The following WWOX variants were observed in gnomAD, a reference collection of about 807,000 sequenced individuals.
WWOX encodes the protein WW domain containing oxidoreductase, also known as WW domain-containing oxidoreductase.
A neutral mutation model predicts 46.2 loss-of-function variants in WWOX; 69 were observed. The ratio of observed to expected loss-of-function variants is 1.49; its 90% confidence interval spans 1.23 to 1.82. The LOEUF (loss-of-function observed/expected upper bound fraction) is 1.82, where lower values mean the gene tolerates loss of function less well. WWOX is among the 40% of genes most tolerant of loss of function. The probability of loss-of-function intolerance (pLI) is 0.00; values close to 1 mark genes in which losing one functional copy is unlikely to be tolerated. For missense variants in WWOX, 919 were observed against 542.6 expected (o/e 1.69, Z -6.89); for synonymous variants, 359 against 202.6 (o/e 1.77, Z -6.56).
At chr16:78,419,811 A>G (rs894746563) in intron 6 of WWOX, among the ~76,000 whole-genome samples, 9 of 152,090 alleles carry the variant, frequency 5.9e-5, no homozygotes, top group Non-Finnish European at 1.2e-4. Context: ...TCCAGAATGA[A>G]AAGTGTTTGT....
chr16:78,258,707 C>CAA (rs11396946), intron 5 of WWOX, among the ~76,000 whole-genome samples: 50 of 69,580 alleles, frequency 7.2e-4, no homozygotes, highest in African/African-American at 7.9e-4. Flanking sequence ...TTCCTCCCTC[C>CAA]AAAAAAAAAA....
intron 5 of WWOX, among the ~76,000 whole-genome samples, chr16:78,291,863 G>A (rs12928151): frequency 0.021 from 3,181 of 151,656 alleles, 54 homozygotes; most frequent in Middle Eastern, 0.031. Context: ...TCTGATGGCC[G>A]CCAGCTGAGG....
intron 8 of WWOX, among the ~76,000 whole-genome samples, chr16:79,142,711 CTT>C (rs1237887712): frequency 1.3e-5 from 2 of 151,950 alleles, no homozygotes; most frequent in Non-Finnish European, 1.5e-5. Flanking sequence ...TGTTTTGTTT[CTT>C]TTTGAGATAG....
In WWOX at chr16:78,432,904, A is replaced by G. The variant is rs1047839211; in HGVS notation, c.1056+152A>G. The G allele has an allele frequency of 1.3e-5, 16 of 1,263,814 alleles. No individual in the cohort carries two copies. In the African/African-American group the frequency reaches 1.9e-4, roughly 15 times the overall value. The allele number at this position is 1,263,814 out of a possible 1,614,324, so 78.3% of individuals were successfully genotyped here. A position where few individuals can be genotyped will look rare whatever the true frequency, so the allele number is the denominator to read the frequency against. On this transcript the variant is annotated intron_variant, in intron 8 of 8. Coordinates refer to ENST00000566780, the MANE Select transcript of WWOX (RefSeq NM_016373.4). ...ATAAAGGGCTCTTGAACACATTTTC[A>G]TCAACTTTAGGTTAAGTCTGTTTGG...
At chr16:78,387,613 A>G (rs1422747162) in intron 6 of WWOX, among the ~76,000 whole-genome samples, 1 of 152,134 alleles carries the variant, frequency 6.6e-6, no homozygotes, top group African/African-American at 2.4e-5. Flanking sequence ...AGAGACAGAC[A>G]GGAGGCCTCA....
chr16:78,502,131 A>G (rs2085085636), intron 8 of WWOX, among the ~76,000 whole-genome samples: 1 of 152,170 alleles, frequency 6.6e-6, no homozygotes, highest in African/African-American at 2.4e-5. Context: ...GGAGCTTTGC[A>G]GGGCCTATCT....
chr16:78,315,388 C>A (rs975394213), intron 5 of WWOX, among the ~76,000 whole-genome samples: 4 of 152,156 alleles, frequency 2.6e-5, no homozygotes, highest in Admixed American at 1.3e-4. Context: ...GTGGCTCAAG[C>A]CTGTAATCCC....
chr16:78,671,869 CT>C (rs138269419), intron 8 of WWOX, among the ~76,000 whole-genome samples: 4,670 of 152,244 alleles, frequency 0.031, 96 homozygotes, highest in Non-Finnish European at 0.048. Context: ...GGATTTACAT[CT>C]TAAAAAGTGG....
chr16:79,021,452 A>T (rs2047531591), intron 8 of WWOX, among the ~76,000 whole-genome samples: 1 of 152,326 alleles, frequency 6.6e-6, no homozygotes, highest in Admixed American at 6.5e-5. Context: ...AGAGGAAACC[A>T]ATCATATTAA....
At position 78,739,571 on chromosome 16, in the gene WWOX, G is replaced by A. The variant is rs144373592; in HGVS notation, c.1056+306819G>A. ...TCACGCCTGTAATCCAGCACTTTGG[G>A]AGGCTGAGGCAGATAAATCACCTGA... On this transcript the variant is annotated intron_variant, in intron 8 of 8. Transcript: ENST00000566780. Among the ~76,000 whole-genome samples the A allele has an allele frequency of 4.6e-4, 70 of 152,264 alleles. 1 individual carries two copies. In the East Asian group the frequency reaches 0.013, roughly 29 times the overall value.
At chr16:78,875,515 A>G (rs561434541) in intron 8 of WWOX, among the ~76,000 whole-genome samples, 50 of 152,272 alleles carry the variant, frequency 3.3e-4, no homozygotes, top group East Asian at 5.8e-4. Flanking sequence ...TTTGATTGCT[A>G]TTTAATCTGT....
chr16:78,189,669 T>A (rs1480233944), intron 5 of WWOX, among the ~76,000 whole-genome samples: 1 of 152,168 alleles, frequency 6.6e-6, no homozygotes, highest in Non-Finnish European at 1.5e-5. Context: ...ACTTATTTAT[T>A]TTTGAGTTGG....
chr16:78,353,426 C>T (rs575971441), intron 5 of WWOX, among the ~76,000 whole-genome samples: 1 of 152,266 alleles, frequency 6.6e-6, no homozygotes, highest in East Asian at 1.9e-4. Context: ...AGACAGTTCA[C>T]CAAATCTATC....
chr16:79,146,454 C>T (rs891355989), intron 8 of WWOX, among the ~76,000 whole-genome samples: 4 of 152,234 alleles, frequency 2.6e-5, no homozygotes, highest in Middle Eastern at 3.4e-3. Flanking sequence ...CTGACCTGGG[C>T]AGCGTAGTAG....
At chr16:78,699,740 C>G (rs1045797987) in intron 8 of WWOX, among the ~76,000 whole-genome samples, 2 of 152,106 alleles carry the variant, frequency 1.3e-5, no homozygotes, top group Non-Finnish European at 2.9e-5. Context: ...TGAGGTTTGC[C>G]TTTTTTCAGG....
intron 8 of WWOX, among the ~76,000 whole-genome samples, chr16:78,648,594 C>T (rs1420038194): frequency 3.3e-5 from 5 of 152,162 alleles, no homozygotes; most frequent in Non-Finnish European, 7.3e-5. Context: ...ATTTTGTCCC[C>T]ACTTCCAACG....
At chr16:78,109,385 T>C (rs114223001) in intron 2 of WWOX, among the ~76,000 whole-genome samples, 2,764 of 152,084 alleles carry the variant, frequency 0.018, 92 homozygotes, top group African/African-American at 0.061. Flanking sequence ...AATCAACATG[T>C]GCACATGAAA....
chr16:78,232,254 C>T (rs971786126), intron 5 of WWOX, among the ~76,000 whole-genome samples: 12 of 152,104 alleles, frequency 7.9e-5, no homozygotes, highest in African/African-American at 2.9e-4. Flanking sequence ...AGGGCAATTG[C>T]GGTCAAACAC....
intron 8 of WWOX, among the ~76,000 whole-genome samples, chr16:79,133,264 C>G (rs1165459730): frequency 1.3e-5 from 2 of 152,150 alleles, no homozygotes; most frequent in African/African-American, 4.8e-5. Context: ...TCTGACCTTC[C>G]CCTTCAGATC....
Sources: allele counts gnomAD v4.1 joint callset (sites outside exome capture counted in the v4.1 genomes callset), GRCh38; gene constraint gnomAD v4.1.1; transcripts MANE v1.5; gene names NCBI Gene and HGNC (gene_info 2026-07-23, HGNC 2026-07-21).